SLC38A12: variants seen among roughly 807,000 people sequenced by gnomAD.
The protein encoded by SLC38A12 is solute carrier family 38 member 12, also known as putative sodium-coupled neutral amino acid transporter 12.
chr17:74,833,926 G>A, the SLC38A12 span, among the ~76,000 whole-genome samples: 5 of 152,218 alleles, frequency 3.3e-5, no homozygotes, highest in Non-Finnish European at 5.9e-5. Flanking sequence ...CAAATCACCA[G>A]GTGCCCCGGG....
chr17:74,833,328 T>C, the SLC38A12 span, among the ~76,000 whole-genome samples: 1 of 152,240 alleles, frequency 6.6e-6, no homozygotes, highest in Non-Finnish European at 1.5e-5. Flanking sequence ...ATGGCTTTGT[T>C]CTAGCTGAAG....
At chr17:74,802,429 C>T in the SLC38A12 span, among the ~76,000 whole-genome samples, 3 of 152,306 alleles carry the variant, frequency 2.0e-5, no homozygotes, top group East Asian at 5.8e-4. Context: ...CCTTACCCAG[C>T]TCGGAAGCTG....
the SLC38A12 span, among the ~76,000 whole-genome samples, chr17:74,784,515 A>C: frequency 6.6e-6 from 1 of 152,102 alleles, no homozygotes; most frequent in South Asian, 2.1e-4. Context: ...ATACTAAGAG[A>C]AATACACCAG....
At chr17:74,827,311 T>G in the SLC38A12 span, among the ~76,000 whole-genome samples, 2 of 151,704 alleles carry the variant, frequency 1.3e-5, no homozygotes, top group African/African-American at 4.8e-5. This position sits in a 1 kb window ranked among gnomAD's most constrained non-coding sequence, Gnocchi z 4.7. Flanking sequence ...TTTTTTTTTT[T>G]TTTAGACAGA....
At chr17:74,799,292 C>T in the SLC38A12 span, among the ~76,000 whole-genome samples, 2 of 152,228 alleles carry the variant, frequency 1.3e-5, no homozygotes, top group Non-Finnish European at 2.9e-5. Context: ...CGGCAGGCCC[C>T]GGCCGAACAG....
chr17:74,795,102 A>C, the SLC38A12 span: 1 of 1,614,060 alleles, frequency 6.2e-7, no homozygotes, highest in South Asian at 1.1e-5. Context: ...TCCCTCATGC[A>C]GGTGACCTGG....
the SLC38A12 span, chr17:74,794,990 C>G: frequency 6.3e-7 from 1 of 1,599,166 alleles, no homozygotes; most frequent in Non-Finnish European, 8.6e-7. Context: ...GGCTCCCTGA[C>G]TGATGGCTGT....
chr17:74,788,616 C>T, the SLC38A12 span, among the ~76,000 whole-genome samples: 1 of 152,228 alleles, frequency 6.6e-6, no homozygotes, highest in African/African-American at 2.4e-5. Flanking sequence ...TAGACAGCAA[C>T]GTCAAAGCAT....
the SLC38A12 span, among the ~76,000 whole-genome samples, chr17:74,794,126 C>G: frequency 6.6e-6 from 1 of 152,252 alleles, no homozygotes; most frequent in Non-Finnish European, 1.5e-5. Context: ...CCCTGCCACT[C>G]TTTTCAGAGC....
chr17:74,794,293 G>A, the SLC38A12 span, among the ~76,000 whole-genome samples: 1 of 152,184 alleles, frequency 6.6e-6, no homozygotes, highest in Admixed American at 6.5e-5. Context: ...CCAACTTCTC[G>A]TTCAGCCTCC....
At chr17:74,820,383 A>G in the SLC38A12 span, among the ~76,000 whole-genome samples, 4 of 152,222 alleles carry the variant, frequency 2.6e-5, no homozygotes, top group Admixed American at 2.0e-4. Context: ...ACCAACGGAC[A>G]CTGTGCTGAG....
the SLC38A12 span, chr17:74,836,355 G>C: frequency 6.2e-7 from 1 of 1,612,738 alleles, no homozygotes; most frequent in Non-Finnish European, 8.5e-7. The surrounding 1 kb of genome is among the most constrained non-coding windows in gnomAD (Gnocchi z 4.2). Flanking sequence ...CTTCCACCGC[G>C]AGGGCGGCAC....
At chr17:74,793,219 TTCC>T in the SLC38A12 span, among the ~76,000 whole-genome samples, 2 of 152,196 alleles carry the variant, frequency 1.3e-5, no homozygotes, top group African/African-American at 4.8e-5. Context: ...GGCTGGGGAA[TTCC>T]TCCTTGTGGG....
the SLC38A12 span, among the ~76,000 whole-genome samples, chr17:74,833,799 C>T: frequency 2.0e-5 from 3 of 152,320 alleles, no homozygotes; most frequent in Admixed American, 6.5e-5. Context: ...GGTGGTACCT[C>T]GAGATGGCAG....
At chr17:74,830,992 GC>G in the SLC38A12 span, among the ~76,000 whole-genome samples, 6 of 152,172 alleles carry the variant, frequency 3.9e-5, no homozygotes, top group Non-Finnish European at 7.4e-5. Context: ...GTCCTCGGGG[GC>G]CCCCCTCCTC....
chr17:74,783,430 T>C, the SLC38A12 span, among the ~76,000 whole-genome samples: 1 of 152,188 alleles, frequency 6.6e-6, no homozygotes, highest in Non-Finnish European at 1.5e-5. Flanking sequence ...TTTGGGAGCC[T>C]GGGAAGGACT....
chr17:74,786,177 C>T, the SLC38A12 span, among the ~76,000 whole-genome samples: 1 of 151,954 alleles, frequency 6.6e-6, no homozygotes, highest in Non-Finnish European at 1.5e-5. Flanking sequence ...GCCGGTGCTT[C>T]AGGGAGGGTG....
At chr17:74,839,245 G>A in the SLC38A12 span, 24 of 1,389,920 alleles carry the variant, frequency 1.7e-5, no homozygotes, top group Admixed American at 2.4e-5. Flanking sequence ...GCACCATGAC[G>A]GGCCCCTAGC....
the SLC38A12 span, among the ~76,000 whole-genome samples, chr17:74,827,543 ACCTCG>A: frequency 6.6e-6 from 1 of 151,854 alleles, no homozygotes; most frequent in African/African-American, 2.4e-5. The surrounding 1 kb of genome is among the most constrained non-coding windows in gnomAD (Gnocchi z 4.7). Flanking sequence ...TGATCCACCC[ACCTCG>A]GCCTCCCAAA....
Sources: gnomAD v4.1 joint callset for allele counts (sites outside exome capture counted in the v4.1 genomes callset) on GRCh38, gnomAD v4.1.1 for gene constraint, Gnocchi (gnomAD v3.1) non-coding constraint, MANE v1.5 for transcripts, NCBI Gene and HGNC (gene_info 2026-07-23, HGNC 2026-07-21) for gene names.